The following FAHD1 variants were observed in gnomAD, a reference collection of about 807,000 sequenced individuals.
The protein encoded by FAHD1 is oxaloacetate tautomerase FAHD1, mitochondrial.
A neutral mutation model predicts 12.7 loss-of-function variants in FAHD1; 14 were observed. The ratio of observed to expected loss-of-function variants is 1.10; its 90% CI spans 0.73 to 1.72. FAHD1 has a LOEUF of 1.72. Ranked by LOEUF, FAHD1 falls within the 40% of genes most tolerant of loss-of-function variation. The probability of loss-of-function intolerance (pLI) is 0.00; values close to 1 mark genes in which losing one functional copy is unlikely to be tolerated. For missense variants in FAHD1, 351 were observed against 298.9 expected (o/e 1.17, Z -1.29); for synonymous variants, 153 against 124.9 (o/e 1.22, Z -1.50).
intron 2 of FAHD1, chr16:1,839,197 T>G: frequency 1.4e-6 from 2 of 1,474,378 alleles, no homozygotes; most frequent in South Asian, 1.5e-5. Flanking sequence ...TATATTTTTT[T>G]GGGAAAAAGC....
At chr16:1,827,657 C>T in exon 1 of FAHD1, 1 of 1,614,114 alleles carries the variant, frequency 6.2e-7, no homozygotes, top group Non-Finnish European at 8.5e-7. Flanking sequence ...ATCCCTGACC[C>T]TCACAAGCTG....
chr16:1,827,213 G>T (rs1235648628), exon 1 of FAHD1: 1 of 1,585,004 alleles, frequency 6.3e-7, no homozygotes. Flanking sequence ...CAGCCCACGT[G>T]ACTACAGGGG....
At chr16:1,839,683 G>T in exon 3 of FAHD1, 1 of 425,228 alleles carries the variant, frequency 2.4e-6, no homozygotes, top group South Asian at 3.3e-5. Context: ...CCCTCCCTCT[G>T]CCAAGCCCTC....
downstream of FAHD1, chr16:1,829,016 T>G: frequency 2.9e-6 from 2 of 693,874 alleles, no homozygotes; most frequent in African/African-American, 3.9e-5. Context: ...TTCTGAGCAC[T>G]GTGCTGTGTT....
chr16:1,838,067 G>T, exon 2 of FAHD1: 1 of 1,019,484 alleles, frequency 9.8e-7, no homozygotes, highest in Non-Finnish European at 1.4e-6. Flanking sequence ...TGCTATCACA[G>T]CTCACTGCAG....
downstream of FAHD1, among the ~76,000 whole-genome samples, chr16:1,830,751 T>C (rs1898604328): frequency 6.6e-6 from 1 of 152,194 alleles, no homozygotes; most frequent in African/African-American, 2.4e-5. Flanking sequence ...TTTGAATACA[T>C]TTAAACCTAT....
At chr16:1,839,953 A>AG (rs1398298456) in exon 3 of FAHD1, 1 of 152,514 alleles carries the variant, frequency 6.6e-6, no homozygotes, top group Non-Finnish European at 1.5e-5. Flanking sequence ...AAGCCTTGCA[A>AG]GGCTGGCCGG....
exon 1 of FAHD1, chr16:1,827,775 G>A (rs1898525847): frequency 6.2e-7 from 1 of 1,613,984 alleles, no homozygotes; most frequent in African/African-American, 1.3e-5. Context: ...TCATAACCTT[G>A]GAAGAAGGAG....
chr16:1,829,207 C>A (rs1404089323), downstream of FAHD1, among the ~76,000 whole-genome samples: 1 of 152,210 alleles, frequency 6.6e-6, no homozygotes, highest in Non-Finnish European at 1.5e-5. Context: ...GCAGGGGTTC[C>A]TGTTCGCGTT....
rs1567272040 is a variant in FAHD1, at chr16:1,838,313, T to C, written c.*8+179T>C. Among the ~76,000 whole-genome samples the C allele has an allele frequency of 2.6e-5, 4 of 152,128 alleles. No homozygotes were observed. The South Asian group carries it at 8.3e-4, about 32-fold the overall frequency. On this transcript the variant is annotated intron_variant, in intron 2 of 2. Transcript: ENST00000382666. The stretch of plus-strand genomic sequence containing the variant: ...CTATGCCCAGCCAACTCAACTGTTT[T>C]GATAGAGAAGATAAGGCAGGAAAGG...
chr16:1,837,876 TA>T (rs759300021), intron 1 of FAHD1: 3,671 of 1,319,578 alleles, frequency 2.8e-3, no homozygotes, highest in South Asian at 5.1e-3. Flanking sequence ...TGTACCTGGT[TA>T]AAAAAAAAAT....
downstream of FAHD1, among the ~76,000 whole-genome samples, chr16:1,832,989 A>G (rs1898651131): frequency 6.6e-6 from 1 of 152,082 alleles, no homozygotes; most frequent in Non-Finnish European, 1.5e-5. Context: ...ATCTCCCAAC[A>G]CCAGCCTTAG....
chr16:1,827,787 T>TA lies in FAHD1; in HGVS notation c.550dup (p.Ile184AsnfsTer14). On this transcript the variant is annotated frameshift_variant, in exon 1 of 1. Transcript: ENST00000427358. LOFTEE classifies it high-confidence loss of function. ...AGATCATAACCTTGGAAGAAGGAGA[T>TA]ATTATCTTGACTGGGACGCCAAAGG... 1 of 1,614,086 alleles carries TA rather than the reference T, an allele frequency of 6.2e-7. No homozygotes were observed. Among genetic ancestry groups the TA allele is most frequent in the African/African-American group, 1.3e-5 (1 of 75,034 alleles).
At chr16:1,835,168 C>A (rs1898708548) in intron 1 of FAHD1, among the ~76,000 whole-genome samples, 2 of 151,822 alleles carry the variant, frequency 1.3e-5, no homozygotes, top group Non-Finnish European at 2.9e-5. Context: ...GCGGGAGGAT[C>A]ACTTGAGCCT....
chr16:1,832,503 C>T (rs1235342886), downstream of FAHD1, among the ~76,000 whole-genome samples: 3 of 149,462 alleles, frequency 2.0e-5, no homozygotes, highest in South Asian at 6.7e-4. Context: ...ATATAAGTGT[C>T]AGCTGGGCAC....
At chr16:1,838,933 C>A (rs962070240) in intron 2 of FAHD1, among the ~76,000 whole-genome samples, 1 of 152,192 alleles carries the variant, frequency 6.6e-6, no homozygotes, top group African/African-American at 2.4e-5. Context: ...CTCAAGTGAT[C>A]CGCCCTCCTT....
exon 1 of FAHD1, chr16:1,827,774 T>C (rs1202830507): frequency 1.2e-6 from 2 of 1,613,976 alleles, no homozygotes; most frequent in Non-Finnish European, 1.7e-6. Flanking sequence ...ATCATAACCT[T>C]GGAAGAAGGA....
At chr16:1,830,917 T>TACACACACACACACACACACACAC (rs1555470124), downstream of FAHD1, among the ~76,000 whole-genome samples, 47 of 114,848 alleles carry the variant, frequency 4.1e-4, no homozygotes, top group South Asian at 1.3e-3. Context: ...TCTCTCTCTA[T>TACACACACACACACACACACACAC]ACACACACAC....
rs144948758 is a variant in FAHD1 at position 1,827,746 on chromosome 16, A to G, written c.508A>G (p.Ile170Val). ...CATGATTTTTTCCATCCCCTACATC[A>G]TCAGCTATGTTTCTAAGATCATAAC... The change falls in exon 1 of 1, where the codon ATC (isoleucine) becomes GTC (valine). Residue 170 changes from isoleucine to valine, a missense_variant. Transcript: ENST00000427358. 484 of 1,614,014 alleles carry G rather than the reference A, an allele frequency of 3.0e-4. No homozygotes were observed. The highest frequency in any genetic ancestry group is 4.0e-4 in the Non-Finnish European group (467 of 1,180,042).
Sources: gnomAD v4.1 joint callset for allele counts (sites outside exome capture counted in the v4.1 genomes callset) on GRCh38, gnomAD v4.1.1 for gene constraint, MANE v1.5 for transcripts, NCBI Gene and HGNC (gene_info 2026-07-23, HGNC 2026-07-21) for gene names.